NRCAM: variants seen among roughly 807,000 people sequenced by gnomAD.
NRCAM encodes neuronal cell adhesion molecule.
A neutral mutation model predicts 156.5 loss-of-function variants in NRCAM; 83 were observed. The observed-to-expected ratio is 0.53, with a 90% CI of 0.44 to 0.64. The LOEUF (loss-of-function observed/expected upper bound fraction) is 0.64, where lower values mean the gene tolerates loss of function less well. NRCAM is among the 30% of genes least tolerant of loss of function. The probability of loss-of-function intolerance (pLI) is 0.00; values close to 1 mark genes in which losing one functional copy is unlikely to be tolerated. For synonymous variants in NRCAM, 538 were observed against 563.9 expected (o/e 0.95, Z 0.65); for missense variants, 1,417 against 1,597.3 (o/e 0.89, Z 1.92).
At chr7:108,433,663 C>G (rs753642312) in intron 1 of NRCAM, among the ~76,000 whole-genome samples, 7 of 152,150 alleles carry the variant, frequency 4.6e-5, no homozygotes, top group Non-Finnish European at 7.4e-5. Context: ...TACCCTCTTG[C>G]TTGCCTTCTC....
intron 2 of NRCAM, among the ~76,000 whole-genome samples, chr7:108,390,154 T>C (rs2099754971): frequency 6.6e-6 from 1 of 152,216 alleles, no homozygotes; most frequent in Non-Finnish European, 1.5e-5. Context: ...GTACCTCTGG[T>C]AGAATTCGGC....
chr7:108,243,968 C>T (rs2095716458), intron 3 of NRCAM, among the ~76,000 whole-genome samples: 1 of 152,166 alleles, frequency 6.6e-6, no homozygotes. Context: ...CCCTGCATTA[C>T]TTACTATGTA....
At chr7:108,344,121 C>T (rs941498288) in intron 2 of NRCAM, among the ~76,000 whole-genome samples, 20 of 152,124 alleles carry the variant, frequency 1.3e-4, no homozygotes, top group African/African-American at 4.8e-4. Flanking sequence ...CGGTCATCGG[C>T]CAACCTCCCC....
chr7:108,421,563 A>C (rs1809900053), intron 1 of NRCAM, among the ~76,000 whole-genome samples: 1 of 152,240 alleles, frequency 6.6e-6, no homozygotes, highest in South Asian at 2.1e-4. Context: ...TAGAATCATT[A>C]TTACTATTGT....
intron 1 of NRCAM, among the ~76,000 whole-genome samples, chr7:108,452,872 T>C (rs1472136578): frequency 1.3e-5 from 2 of 152,154 alleles, no homozygotes; most frequent in African/African-American, 4.8e-5. Flanking sequence ...AAAGCCTCAG[T>C]GCCTCAGTGG....
At chr7:108,183,189 G>T (rs393266) in intron 22 of NRCAM, among the ~76,000 whole-genome samples, 103,295 of 152,038 alleles carry the variant, frequency 0.68, 37,165 homozygotes, top group East Asian at 0.96. Context: ...TGGCTCTACC[G>T]TCAAGGATGG....
At position 108,302,770 on chromosome 7, in the gene NRCAM, T is replaced by C. The variant is rs535824354; in HGVS notation, c.-107+9895A>G. ...CCTTTCACCAAACTTTCCTAAAATATAGATGCCAAATTAGCCTTCTCAAAA... is the reference window on the plus strand; with the variant it reads ...CCTTTCACCAAACTTTCCTAAAATACAGATGCCAAATTAGCCTTCTCAAAA... On this transcript the variant is annotated intron_variant, in intron 3 of 32. Transcript: ENST00000379028. Among the ~76,000 whole-genome samples the C allele has an allele frequency of 7.2e-5, 11 of 152,276 alleles. No homozygotes were observed. In the South Asian group the frequency reaches 2.3e-3, roughly 32 times the overall value.
rs1429304673 is a variant in NRCAM at position 108,191,842 on chromosome 7, T to C, written c.1790A>G (p.Asp597Gly). ...ELPSDERFTV[D>G]KDHLVVADVS... ...ATCAGCTACCACTAGATGATCCTTG[T>C]CAACAGTGAACCTGTGGATAGAATG... The change falls in exon 18 of 33, where the codon GAC becomes GGC. Residue 597 changes from aspartate to glycine, a missense_variant. Asp to Gly is a moderately conservative substitution (Grantham distance 94). Transcript: ENST00000379028. 1.2e-6 allele frequency: 2 copies of C among 1,613,366 alleles called. No individual in the cohort carries two copies. Among genetic ancestry groups the C allele is most frequent in the African/African-American group, 2.7e-5 (2 of 74,896 alleles).
At chr7:108,376,528 G>A (rs930567124) in intron 2 of NRCAM, among the ~76,000 whole-genome samples, 1 of 152,098 alleles carries the variant, frequency 6.6e-6, no homozygotes, top group African/African-American at 2.4e-5. Context: ...TTAGTGTAAG[G>A]GGTTACAGCA....
intron 1 of NRCAM, among the ~76,000 whole-genome samples, chr7:108,401,112 C>G (rs541482419): frequency 1.3e-5 from 2 of 152,026 alleles, no homozygotes; most frequent in South Asian, 4.2e-4. Flanking sequence ...AATACAAAAA[C>G]GCCTGTAATC....
At chr7:108,224,644 A>G (rs1051523001) in intron 10 of NRCAM, among the ~76,000 whole-genome samples, 3 of 152,122 alleles carry the variant, frequency 2.0e-5, no homozygotes, top group African/African-American at 7.2e-5. Context: ...TCTTTAATGC[A>G]TTATCTACTT....
Position 108,182,685 on chromosome 7 carries a change from C to G in NRCAM, c.2530+10G>C. ...TTTGCTGGGGAAAAGTAGGAAATGGCATCACTTACGGTCTTCTCCAGAATG... is the reference window on the plus strand; with the variant it reads ...TTTGCTGGGGAAAAGTAGGAAATGGGATCACTTACGGTCTTCTCCAGAATG... On this transcript the variant is annotated intron_variant, in intron 23 of 32. Coordinates refer to ENST00000379028, the MANE Select transcript of NRCAM (RefSeq NM_001037132.4). The G allele has an allele frequency of 1.2e-6, 2 of 1,610,242 alleles. No homozygotes were observed. The highest frequency in any genetic ancestry group is 2.7e-5 in the African/African-American group (2 of 74,990).
At chr7:108,303,772 C>G (rs2098670539) in intron 3 of NRCAM, among the ~76,000 whole-genome samples, 1 of 152,096 alleles carries the variant, frequency 6.6e-6, no homozygotes, top group South Asian at 2.1e-4. Context: ...GATGTCCACC[C>G]ATGTTTCATG....
intron 3 of NRCAM, chr7:108,243,017 G>A (rs1025072422): frequency 2.6e-5 from 4 of 152,116 alleles, no homozygotes; most frequent in South Asian, 2.1e-4. Context: ...GAAAAAAATC[G>A]CATTTTTAAG....
intron 2 of NRCAM, among the ~76,000 whole-genome samples, chr7:108,374,040 T>C (rs770942816): frequency 2.0e-5 from 3 of 152,124 alleles, no homozygotes; most frequent in African/African-American, 4.8e-5. Flanking sequence ...CTGCTTCATA[T>C]AGCCATTTTC....
In NRCAM at chr7:108,353,673, T is replaced by C. The variant is rs7804045; in HGVS notation, c.-173-40942A>G. ...TCTGTTCCTTGCTACTAGAATAAAG[T>C]CTTCATGAAAAGAAAGACCTCTTCT... On this transcript the variant is annotated intron_variant, in intron 2 of 32. Transcript: ENST00000379028. Among the ~76,000 whole-genome samples, 7 of 152,170 alleles carry C rather than the reference T, an allele frequency of 4.6e-5. No homozygotes were observed. In the East Asian group the frequency reaches 5.8e-4, roughly 13 times the overall value.
At chr7:108,387,252 CTTA>C (rs923872261) in intron 2 of NRCAM, among the ~76,000 whole-genome samples, 20 of 151,990 alleles carry the variant, frequency 1.3e-4, no homozygotes, top group African/African-American at 4.8e-4. Flanking sequence ...CTCCACATAC[CTTA>C]TTAATAGGGA....
intron 2 of NRCAM, among the ~76,000 whole-genome samples, chr7:108,328,988 T>G (rs1476596725): frequency 2.0e-5 from 3 of 152,192 alleles, no homozygotes; most frequent in Non-Finnish European, 4.4e-5. Flanking sequence ...GTCCAATGAC[T>G]CACAACAGTC....
At position 108,231,098 on chromosome 7, in the gene NRCAM, C is replaced by T. The variant is rs1229858135; in HGVS notation, c.483G>A (p.Gln161=). ...KLEPITLQSG[Q]SLVLPCRPPI... Reference sequence around the variant, plus strand: ...GGGGTCTGCAGGGAAGTACTAAAGACTGACCACTTTGAAGTGTGATTGGTT... The same window carrying T: ...GGGGTCTGCAGGGAAGTACTAAAGATTGACCACTTTGAAGTGTGATTGGTT... The change falls in exon 8 of 33, where the codon CAG becomes CAA. Residue 161 remains glutamine (Q), a synonymous_variant. Transcript: ENST00000379028. 1 of 1,609,574 alleles carries T rather than the reference C, an allele frequency of 6.2e-7. No individual in the cohort carries two copies.
Sources: gnomAD v4.1 joint callset for allele counts (sites outside exome capture counted in the v4.1 genomes callset) on GRCh38, gnomAD v4.1.1 for gene constraint, MANE v1.5 for transcripts, NCBI Gene and HGNC (gene_info 2026-07-23, HGNC 2026-07-21) for gene names.